ITFG1: variants seen among roughly 807,000 people sequenced by gnomAD.
ITFG1 encodes the protein integrin alpha FG-GAP repeat containing 1.
ITFG1 carries 34 observed loss-of-function variants against 81.8 expected under a neutral mutation model. The observed-to-expected ratio is 0.42, with a 90% CI of 0.32 to 0.55. ITFG1 has a LOEUF of 0.55. Ranked by LOEUF, ITFG1 falls within the 20% of genes least tolerant of loss-of-function variation. ITFG1 has a pLI of 0.17. For missense variants in ITFG1, 672 were observed against 755.4 expected (o/e 0.89, Z 1.29); for synonymous variants, 285 against 270.6 (o/e 1.05, Z -0.52).
intron 10 of ITFG1, among the ~76,000 whole-genome samples, chr16:47,285,133 T>C (rs890444192): frequency 5.3e-5 from 8 of 152,158 alleles, no homozygotes. Context: ...CCTCTGACCT[T>C]CTCCTGCACT....
intron 6 of ITFG1, among the ~76,000 whole-genome samples, chr16:47,378,077 G>A (rs1271258039): frequency 6.6e-6 from 1 of 152,088 alleles, no homozygotes; most frequent in Non-Finnish European, 1.5e-5. Context: ...TCTGAAAATG[G>A]GAATAATCAG....
At chr16:47,440,706 T>C (rs1055019824) in intron 5 of ITFG1, among the ~76,000 whole-genome samples, 6 of 152,078 alleles carry the variant, frequency 3.9e-5, no homozygotes, top group African/African-American at 1.2e-4. Context: ...GGGAAATTTA[T>C]AGCACTAAAT....
intron 8 of ITFG1, among the ~76,000 whole-genome samples, chr16:47,327,610 A>T (rs1967569992): frequency 6.6e-6 from 1 of 152,210 alleles, no homozygotes; most frequent in Non-Finnish European, 1.5e-5. Context: ...ATCTACAATG[A>T]ACTCAAACAA....
chr16:47,379,127 A>C (rs568207213), intron 6 of ITFG1, among the ~76,000 whole-genome samples: 2 of 152,254 alleles, frequency 1.3e-5, no homozygotes, highest in Non-Finnish European at 2.9e-5. Context: ...TCAATGGTCA[A>C]TTTGGAGGTA....
intron 16 of ITFG1, among the ~76,000 whole-genome samples, chr16:47,161,205 T>TA (rs1964799749): frequency 6.6e-6 from 1 of 152,214 alleles, no homozygotes. Context: ...AGGATAAAAA[T>TA]ACCTACCATT....
At position 47,229,802 on chromosome 16, in the gene ITFG1, G is replaced by C. The variant is rs1354035055; in HGVS notation, c.1374+8163C>G. 2.6e-5 allele frequency among the ~76,000 whole-genome samples: 4 copies of C among 152,248 alleles called. No homozygotes were observed. In the East Asian group the frequency reaches 7.7e-4, roughly 29 times the overall value. On this transcript the variant is annotated intron_variant, in intron 13 of 17. Transcript: ENST00000320640. ...CCTTGTAAGGGACTTAGATACAAAG[G>C]TCTGATGTTCAGGAAAGTGGTTGAG...
intron 14 of ITFG1, among the ~76,000 whole-genome samples, chr16:47,199,031 T>G (rs1019430003): frequency 1.3e-5 from 2 of 152,138 alleles, no homozygotes; most frequent in African/African-American, 4.8e-5. Flanking sequence ...CTCAGCACTT[T>G]GGGAGGCTGA....
chr16:47,195,062 CTATT>C (rs1287105084), intron 14 of ITFG1, among the ~76,000 whole-genome samples: 4 of 152,272 alleles, frequency 2.6e-5, no homozygotes, highest in African/African-American at 4.8e-5. Flanking sequence ...TTAACAATTT[CTATT>C]TATTCTCTTG....
At position 47,198,020 on chromosome 16, in the gene ITFG1, G is replaced by A. The variant is rs188521544; in HGVS notation, c.1453+20848C>T. On this transcript the variant is annotated intron_variant, in intron 14 of 17. Coordinates refer to ENST00000320640, the MANE Select transcript of ITFG1 (RefSeq NM_030790.5). The stretch of plus-strand genomic sequence containing the variant: ...TTTTATAGGGCTCAGAGATTACATT[G>A]TGGTAGGTAGTGGAATCAGACTGTT... 6.6e-5 allele frequency among the ~76,000 whole-genome samples: 10 copies of A among 152,312 alleles called. No individual in the cohort carries two copies. In the East Asian group the frequency reaches 1.5e-3, roughly 23 times the overall value.
intron 8 of ITFG1, among the ~76,000 whole-genome samples, chr16:47,356,184 T>C (rs1193031583): frequency 6.6e-6 from 1 of 152,204 alleles, no homozygotes; most frequent in Non-Finnish European, 1.5e-5. Flanking sequence ...CATTCTATAA[T>C]GTGGCTAAAC....
At chr16:47,167,908 A>T (rs1214407065) in intron 14 of ITFG1, among the ~76,000 whole-genome samples, 1 of 152,204 alleles carries the variant, frequency 6.6e-6, no homozygotes, top group African/African-American at 2.4e-5. Context: ...GGATGTACAA[A>T]TACCTCTTTG....
chr16:47,194,945 G>A (rs1411984008), intron 14 of ITFG1, among the ~76,000 whole-genome samples: 1 of 152,006 alleles, frequency 6.6e-6, no homozygotes, highest in Non-Finnish European at 1.5e-5. Flanking sequence ...CCACTGTGGA[G>A]TTTGCTGTAT....
intron 6 of ITFG1, among the ~76,000 whole-genome samples, chr16:47,406,081 A>G (rs962005396): frequency 1.3e-5 from 2 of 152,200 alleles, no homozygotes; most frequent in Non-Finnish European, 1.5e-5. Context: ...CATAATGATA[A>G]TATCAGAAAC....
At chr16:47,333,386 T>C (rs1249857234) in intron 8 of ITFG1, among the ~76,000 whole-genome samples, 1 of 152,204 alleles carries the variant, frequency 6.6e-6, no homozygotes, top group African/African-American at 2.4e-5. Flanking sequence ...CTGAAAAGTG[T>C]TTGTCAAAGG....
At chr16:47,238,281 A>G in intron 12 of ITFG1, 1 of 233,322 alleles carries the variant, frequency 4.3e-6, no homozygotes, top group Non-Finnish European at 8.3e-6. Context: ...CTAAAATAGA[A>G]CCTGTTGGTT....
In ITFG1 at chr16:47,443,837, T is replaced by A. The variant is rs148990719; in HGVS notation, c.560+7559A>T. Among the ~76,000 whole-genome samples the A allele has an allele frequency of 6.9e-3, 1,048 of 152,254 alleles. 14 individuals are homozygous for A. The highest frequency in any genetic ancestry group is 0.024 in the African/African-American group (1,004 of 41,538). On this transcript the variant is annotated intron_variant, in intron 5 of 17. Transcript: ENST00000320640. ...GGGTGCAGCACACCAACATGGCACA[T>A]GTATACATATGTGACAAATCTGCAC... is the stretch of plus-strand genomic sequence containing the variant.
At chr16:47,362,688 T>A (rs917191037) in intron 8 of ITFG1, among the ~76,000 whole-genome samples, 1 of 152,244 alleles carries the variant, frequency 6.6e-6, no homozygotes, top group African/African-American at 2.4e-5. Flanking sequence ...ATGAGGCTTT[T>A]GTACCCTTTC....
intron 8 of ITFG1, among the ~76,000 whole-genome samples, chr16:47,351,012 G>A (rs567599892): frequency 1.3e-5 from 2 of 152,118 alleles, no homozygotes; most frequent in South Asian, 2.1e-4. Flanking sequence ...ATTCAACAGC[G>A]CTTCATGCTA....
chr16:47,358,193 C>T (rs775138384), intron 8 of ITFG1, among the ~76,000 whole-genome samples: 4 of 152,144 alleles, frequency 2.6e-5, no homozygotes, highest in Non-Finnish European at 5.9e-5. Flanking sequence ...ATTTGTTTTA[C>T]CAAAAATTTC....
Sources: allele counts gnomAD v4.1 joint callset (sites outside exome capture counted in the v4.1 genomes callset), GRCh38; gene constraint gnomAD v4.1.1; transcripts MANE v1.5; gene names NCBI Gene and HGNC (gene_info 2026-07-23, HGNC 2026-07-21).